RNF135: variants seen among roughly 807,000 people sequenced by gnomAD.
RNF135 encodes the protein ring finger protein 135, also known as E3 ubiquitin-protein ligase RNF135.
In RNF135, 46 loss-of-function variants were observed where a neutral mutation model predicts 41.9. That is an observed-to-expected ratio of 1.10 (90% CI 0.87 to 1.40). The LOEUF is 1.40. Ranked by LOEUF, RNF135 falls within the 40% of genes most tolerant of loss-of-function variation. The pLI is 0.00. For synonymous variants in RNF135, 238 were observed against 223.8 expected (o/e 1.06, Z -0.57); for missense variants, 539 against 549.8 (o/e 0.98, Z 0.20).
Position 30,984,614 on chromosome 17 carries a change from A to T in RNF135, c.373-3A>T, listed in dbSNP as rs776022967. On this transcript the variant is annotated splice_region_variant and splice_polypyrimidine_tract_variant and intron_variant, in intron 1 of 4. Coordinates refer to ENST00000328381, the MANE Select transcript of RNF135 (RefSeq NM_032322.4). ...CCAGGACCTGAACTTTGCTATTTTG[A>T]AGGTGGCAGTAGAGAAGAGCATCAC... 3 of 1,613,942 alleles carry T rather than the reference A, an allele frequency of 1.9e-6. No individual in the cohort carries two copies. The African/African-American group carries it at 4.0e-5, about 22-fold the overall frequency.
At chr17:30,977,419 G>C (rs1271095835) in intron 1 of RNF135, among the ~76,000 whole-genome samples, 3 of 152,142 alleles carry the variant, frequency 2.0e-5, no homozygotes, top group Non-Finnish European at 4.4e-5. Context: ...TGTTGCCCAG[G>C]TTGGAGTGCA....
chr17:30,979,727 C>G (rs1454526695), intron 1 of RNF135, among the ~76,000 whole-genome samples: 1 of 128,782 alleles, frequency 7.8e-6, no homozygotes, highest in Non-Finnish European at 1.7e-5. Flanking sequence ...CCCCCCACCT[C>G]CCTCCCGGAC....
intron 1 of RNF135, among the ~76,000 whole-genome samples, chr17:30,982,582 C>T (rs1473401258): frequency 6.6e-6 from 1 of 152,024 alleles, no homozygotes; most frequent in Non-Finnish European, 1.5e-5. Flanking sequence ...ACTGTAAGTA[C>T]CCCTGATTTT....
Position 30,999,559 on chromosome 17 carries a change from A to G in RNF135, c.*368A>G. The G allele has an allele frequency of 3.7e-6, 1 of 269,408 alleles. No individual in the cohort carries two copies. Among genetic ancestry groups the G allele is most frequent in the South Asian group, 4.5e-5 (1 of 22,078 alleles). 16.7% of individuals were successfully genotyped at this position (269,408 alleles called of 1,614,324 possible). ...AGCCATTAGAATATCTTGCCTGATA[A>G]GAGTGTTTTTGTTTACCTGTGGGCC... On this transcript the variant is annotated 3_prime_UTR_variant, in exon 5 of 5. Transcript: ENST00000328381.
chr17:30,971,909 A>G (rs1905996299), intron 1 of RNF135: 1 of 176,324 alleles, frequency 5.7e-6, no homozygotes, highest in Non-Finnish European at 1.1e-5. Context: ...CTCTTGCTTC[A>G]GGCTCGAGAG....
At chr17:30,975,863 G>T in intron 1 of RNF135, 3 of 782,662 alleles carry the variant, frequency 3.8e-6, no homozygotes, top group Admixed American at 1.9e-5. Flanking sequence ...AGCTCCTAAC[G>T]TATATGGCTT....
intron 1 of RNF135, chr17:30,973,273 TCA>T (rs1906151202): frequency 6.6e-6 from 1 of 152,216 alleles, no homozygotes; most frequent in South Asian, 2.1e-4. Flanking sequence ...TAGATATGAC[TCA>T]CAGATATATT....
rs576912308 is a variant in RNF135, at chr17:30,998,780, G to A, written c.888G>A (p.Arg296=). The change falls in exon 5 of 5, where the codon AGG becomes AGA. Residue 296 remains arginine (R), a synonymous_variant. Transcript: ENST00000328381. The part of the protein sequence containing the change: ...RPQPYRWSCE[R]FSTSQVLCSQ... ...AACCCTATCGCTGGAGCTGTGAGAG[G>A]TTTTCTACCAGCCAGGTCTTATGTT... 12 of 1,613,176 alleles carry A rather than the reference G, an allele frequency of 7.4e-6. No individual in the cohort carries two copies. The African/African-American group carries it at 1.6e-4, about 22-fold the overall frequency.
the RNF135 span, among the ~76,000 whole-genome samples, chr17:30,960,059 A>T: frequency 6.6e-6 from 1 of 151,944 alleles, no homozygotes; most frequent in Non-Finnish European, 1.5e-5. Context: ...CTCCAGAGAA[A>T]CAGAACCAAT....
rs148624451 is a variant in RNF135 at position 30,978,231 on chromosome 17, C to T, written c.373-6386C>T. ...CATAGTCTTCTTTGGGTTAAATCTGCTTGGTGTTTTATAACCTTCTTGTAT... is the reference window on the plus strand; with the variant it reads ...CATAGTCTTCTTTGGGTTAAATCTGTTTGGTGTTTTATAACCTTCTTGTAT... On this transcript the variant is annotated intron_variant, in intron 1 of 4. Coordinates refer to ENST00000328381, the MANE Select transcript of RNF135 (RefSeq NM_032322.4). Among the ~76,000 whole-genome samples, 119 of 152,242 alleles carry T rather than the reference C, an allele frequency of 7.8e-4. 1 individual carries two copies. The highest frequency in any genetic ancestry group is 2.8e-3 in the African/African-American group (117 of 41,546).
intron 3 of RNF135, among the ~76,000 whole-genome samples, chr17:30,988,890 T>A (rs1907791037): frequency 6.7e-6 from 1 of 149,382 alleles, no homozygotes; most frequent in Admixed American, 6.6e-5. Flanking sequence ...CCTGGCTAAT[T>A]TTTGCGTTGG....
chr17:30,987,731 A>C (rs1033876971), intron 2 of RNF135, among the ~76,000 whole-genome samples: 5 of 150,768 alleles, frequency 3.3e-5, no homozygotes, highest in Admixed American at 6.6e-5. Flanking sequence ...CATCACCCAG[A>C]AATAACCACT....
rs115743804 is a variant in RNF135 at position 30,985,885 on chromosome 17, C to T, written c.516+1125C>T. Among the ~76,000 whole-genome samples the T allele has an allele frequency of 4.5e-3, 678 of 152,262 alleles. 6 individuals are homozygous for T. Among genetic ancestry groups the T allele is most frequent in the African/African-American group, 0.016 (651 of 41,560 alleles). On this transcript the variant is annotated intron_variant, in intron 2 of 4. Coordinates refer to ENST00000328381, the MANE Select transcript of RNF135 (RefSeq NM_032322.4). ...CTCTGTGCGCTCTAGCTACACTGGC[C>T]GCACAGTCGCTCTAGTGTGTCTCAC...
At chr17:30,994,425 T>C (rs1204547256) in intron 3 of RNF135, among the ~76,000 whole-genome samples, 3 of 151,464 alleles carry the variant, frequency 2.0e-5, no homozygotes, top group Non-Finnish European at 4.4e-5. Flanking sequence ...ACACCTGTAG[T>C]CCCAGTCCCA....
chr17:30,997,715 C>T (rs1908458061), intron 4 of RNF135, among the ~76,000 whole-genome samples: 1 of 152,200 alleles, frequency 6.6e-6, no homozygotes, highest in African/African-American at 2.4e-5. Context: ...GATCCCAGAG[C>T]CAGACTGCTT....
intron 1 of RNF135, among the ~76,000 whole-genome samples, chr17:30,978,047 A>G (rs188436401): frequency 2.0e-5 from 3 of 152,184 alleles, no homozygotes; most frequent in Non-Finnish European, 4.4e-5. Flanking sequence ...CACTTTACAT[A>G]TGTCATGGCA....
chr17:30,962,353 T>G, the RNF135 span, among the ~76,000 whole-genome samples: 1 of 152,006 alleles, frequency 6.6e-6, no homozygotes, highest in African/African-American at 2.4e-5. Context: ...AGGATGGTCT[T>G]GAATTCTTGA....
chr17:30,988,416 ATTTTTTTTTTTTT>A (rs56955275), intron 3 of RNF135, among the ~76,000 whole-genome samples: 2 of 81,896 alleles, frequency 2.4e-5, no homozygotes, highest in Admixed American at 1.4e-4. Flanking sequence ...GCCACTTTTA[ATTTTTTTTTTTTT>A]TTTTTTTTTT....
chr17:30,971,365 C>G lies in RNF135; in HGVS notation c.292C>G (p.Pro98Ala), dbSNP rs376823094. Residue 98 changes from proline (P) to alanine (A), a missense_variant, in exon 1 of 5, where the codon CCT becomes GCT. By Grantham distance (27) the Pro-to-Ala change is conservative. Coordinates refer to ENST00000328381, the MANE Select transcript of RNF135 (RefSeq NM_032322.4). ...ACGCGAGATACAGGCGGGCTCCGACCCTGCCCACTGCCCCTGCCCGGGCTC... is the reference window on the plus strand; with the variant it reads ...ACGCGAGATACAGGCGGGCTCCGACGCTGCCCACTGCCCCTGCCCGGGCTC... ...AAREIQAGSD[P>A]AHCPCPGSSS... 6.7e-4 allele frequency: 1,022 copies of G among 1,529,442 alleles called. 6 individuals are homozygous for G. The African/African-American group carries it at 0.013, about 19-fold the overall frequency. The allele number at this position is 1,529,442 out of a possible 1,614,324, so 94.7% of individuals were successfully genotyped here.
Sources: allele counts gnomAD v4.1 joint callset (sites outside exome capture counted in the v4.1 genomes callset), GRCh38; gene constraint gnomAD v4.1.1; transcripts MANE v1.5; gene names NCBI Gene and HGNC (gene_info 2026-07-23, HGNC 2026-07-21).